The following TULP4 variants were observed in gnomAD, a reference collection of about 807,000 sequenced individuals.
TULP4 encodes the protein tubby-related protein 4.
A neutral mutation model predicts 129.0 loss-of-function variants in TULP4; 16 were observed. The observed-to-expected ratio is 0.12, with a 90% CI of 0.08 to 0.19. The LOEUF is 0.19. TULP4 is among the 10% of genes least tolerant of loss of function. The pLI, the probability that TULP4 is intolerant of heterozygous loss-of-function variation, is 1.00. For missense variants in TULP4, 1,842 were observed against 2,059.1 expected (o/e 0.89, Z 2.04); for synonymous variants, 998 against 854.0 (o/e 1.17, Z -2.94).
At chr6:158,495,729 A>T (rs1350708810) in intron 11 of TULP4, among the ~76,000 whole-genome samples, 1 of 152,010 alleles carries the variant, frequency 6.6e-6, no homozygotes, top group Non-Finnish European at 1.5e-5. Flanking sequence ...AATCCTAGCT[A>T]CTTGGAAGGC....
chr6:158,342,800 A>G (rs911873246), intron 1 of TULP4, among the ~76,000 whole-genome samples: 2 of 152,218 alleles, frequency 1.3e-5, no homozygotes, highest in East Asian at 3.8e-4. Flanking sequence ...AGGATAAAAA[A>G]TCATATAGGG....
chr6:158,468,938 A>G (rs534413544), intron 6 of TULP4, among the ~76,000 whole-genome samples: 23 of 152,326 alleles, frequency 1.5e-4, no homozygotes, highest in Non-Finnish European at 2.2e-4. Flanking sequence ...ATCACTTCCC[A>G]AAGGCCCCAC....
chr6:158,453,805 A>AC (rs1303848778), intron 5 of TULP4, among the ~76,000 whole-genome samples: 4 of 146,422 alleles, frequency 2.7e-5, no homozygotes, highest in Non-Finnish European at 1.5e-5. Context: ...AAAAAAAAAA[A>AC]AGCCAGGTGT....
In TULP4 at chr6:158,313,765, C is replaced by T. The variant is rs1779418724; in HGVS notation, c.-252C>T. Reference sequence around the variant, plus strand: ...CTGAGAACTTGAAAATACAAATGGACCCCATGTTTTTTTAAGCATTACCTT... The same window carrying T: ...CTGAGAACTTGAAAATACAAATGGATCCCATGTTTTTTTAAGCATTACCTT... On this transcript the variant is annotated 5_prime_UTR_variant, in exon 1 of 14. Coordinates refer to ENST00000367097, the MANE Select transcript of TULP4 (RefSeq NM_020245.5). 3.9e-6 allele frequency: 2 copies of T among 515,370 alleles called. No individual in the cohort carries two copies. The highest frequency in any genetic ancestry group is 7.2e-5 in the Admixed American group (2 of 27,942). 31.9% of individuals were successfully genotyped at this position (515,370 alleles called of 1,614,324 possible).
At chr6:158,425,960 A>G (rs887464427) in intron 2 of TULP4, among the ~76,000 whole-genome samples, 1 of 151,846 alleles carries the variant, frequency 6.6e-6, no homozygotes, top group Non-Finnish European at 1.5e-5. Context: ...TGTGTTTTTG[A>G]TTTGCATTTC....
chr6:158,486,289 G>A (rs1780062907), intron 8 of TULP4, among the ~76,000 whole-genome samples: 1 of 152,100 alleles, frequency 6.6e-6, no homozygotes, highest in African/African-American at 2.4e-5. Context: ...AAGAAGACAA[G>A]GACTAACTAA....
chr6:158,362,233 C>G (rs532099537), intron 1 of TULP4, among the ~76,000 whole-genome samples: 1 of 152,182 alleles, frequency 6.6e-6, no homozygotes, highest in African/African-American at 2.4e-5. Context: ...CAAAATGATC[C>G]TTTATGGAAA....
intron 1 of TULP4, chr6:158,237,932 G>C: frequency 1.4e-6 from 1 of 728,852 alleles, no homozygotes; most frequent in Admixed American, 1.8e-5. Context: ...AGCTGTTCTA[G>C]GTCACTAATT....
intron 1 of TULP4, chr6:158,237,441 A>G (rs1777734517): frequency 1.3e-6 from 2 of 1,567,382 alleles, no homozygotes; most frequent in Non-Finnish European, 1.8e-6. Context: ...TGTTACTTGT[A>G]GAGGCAGATA....
At chr6:158,352,510 C>T (rs769277883) in intron 1 of TULP4, among the ~76,000 whole-genome samples, 1 of 152,300 alleles carries the variant, frequency 6.6e-6, no homozygotes, top group African/African-American at 2.4e-5. Flanking sequence ...GATTCTCCTG[C>T]GTCAGCCTCC....
intron 9 of TULP4, among the ~76,000 whole-genome samples, chr6:158,490,201 T>G (rs1181305321): frequency 6.6e-6 from 1 of 152,138 alleles, no homozygotes; most frequent in Non-Finnish European, 1.5e-5. Flanking sequence ...ATCTGGACCA[T>G]CCTGGTCAAC....
In TULP4 at chr6:158,331,753, ACACGTG is replaced by A. The variant is rs765772802; in HGVS notation, c.252+17486_252+17491del. 7.7e-3 allele frequency among the ~76,000 whole-genome samples: 218 copies of A among 28,366 alleles called. 56 individuals carry two copies. The highest frequency in any genetic ancestry group is 0.058 in the South Asian group (26 of 446). The allele number at this position is 28,366 out of a possible 152,430, so 18.6% of individuals were successfully genotyped here. ...CATACGTATATATATACGTGTATAT[ACACGTG>A]TATATATACACGTATATATACACAC... On this transcript the variant is annotated intron_variant, in intron 1 of 13. Coordinates refer to ENST00000367097, the MANE Select transcript of TULP4 (RefSeq NM_020245.5).
chr6:158,438,139 T>C (rs1452288013), intron 3 of TULP4: 1 of 152,214 alleles, frequency 6.6e-6, no homozygotes, highest in Non-Finnish European at 1.5e-5. Context: ...TTATATAATT[T>C]TTAAATTTGA....
Position 158,237,720 on chromosome 6 carries a change from ACTAT to A in TULP4, n.68+5420_68+5423del. ...CTCCCTTTCCTTGTTCCTTTGGTTG[ACTAT>A]CTCTAGTAACTTTTCCACCCTTCCA... On this transcript the variant is annotated intron_variant and non_coding_transcript_variant, in intron 1 of 1. Coordinates refer to the TULP4 transcript ENST00000620026. The A allele has an allele frequency of 4.3e-6, 4 of 939,466 alleles. No homozygotes were observed. In the Admixed American group the frequency reaches 7.0e-5, roughly 16 times the overall value. The allele number at this position is 939,466 out of a possible 1,614,324, so 58.2% of individuals were successfully genotyped here. A position where few individuals can be genotyped will look rare whatever the true frequency, so the allele number is the denominator to read the frequency against.
At chr6:158,445,456 G>T (rs1386561716) in intron 3 of TULP4, among the ~76,000 whole-genome samples, 1 of 152,164 alleles carries the variant, frequency 6.6e-6, no homozygotes, top group Non-Finnish European at 1.5e-5. Context: ...CAAAGATTTG[G>T]ACAGAAATGT....
intron 1 of TULP4, among the ~76,000 whole-genome samples, chr6:158,239,785 C>G (rs878977034): frequency 1.1e-5 from 1 of 92,866 alleles, no homozygotes; most frequent in African/African-American, 3.6e-5. Flanking sequence ...CCACCTCCCT[C>G]CCGGACAGGG....
chr6:158,438,009 C>T (rs1778790179), intron 3 of TULP4: 1 of 152,126 alleles, frequency 6.6e-6, no homozygotes, highest in African/African-American at 2.4e-5. Flanking sequence ...GTTAAAACTC[C>T]CGTGCTGATC....
At chr6:158,372,309 C>T (rs1777091870) in intron 1 of TULP4, among the ~76,000 whole-genome samples, 1 of 151,928 alleles carries the variant, frequency 6.6e-6, no homozygotes, top group African/African-American at 2.4e-5. Flanking sequence ...ATTTTAACTA[C>T]CTTCCTTCTT....
chr6:158,241,145 G>C (rs1430488583), intron 1 of TULP4, among the ~76,000 whole-genome samples: 1 of 136,006 alleles, frequency 7.4e-6, no homozygotes. Context: ...CATCTCAGAC[G>C]ATGGGCGGCC....
Sources: gnomAD v4.1 joint callset for allele counts (sites outside exome capture counted in the v4.1 genomes callset) on GRCh38, gnomAD v4.1.1 for gene constraint, MANE v1.5 for transcripts, NCBI Gene and HGNC (gene_info 2026-07-23, HGNC 2026-07-21) for gene names.